Variants in WSCD1 observed in about 807,000 individuals in gnomAD.
The protein encoded by WSCD1 is WSC domain sialate O sulfotransferase 1, also known as sialate:O-sulfotransferase 1.
WSCD1 carries 41 observed loss-of-function variants against 60.4 expected under a neutral mutation model. The ratio of observed to expected loss-of-function variants is 0.68; its 90% CI spans 0.53 to 0.88. The LOEUF (loss-of-function observed/expected upper bound fraction) is 0.88. Among genes scored for constraint, WSCD1 ranks in the 40% least tolerant of loss-of-function variants. The pLI, the probability that WSCD1 is intolerant of heterozygous loss-of-function variation, is 0.00. For synonymous variants in WSCD1, 361 were observed against 332.5 expected, an observed-to-expected ratio of 1.09 and a Z score of -0.93; for missense variants, 784 against 796.2, an observed-to-expected ratio of 0.98 and a Z score of 0.18.
rs1253245778 is a variant in WSCD1 at position 6,083,034 on chromosome 17, G to A, written c.427+1949G>A. 3.3e-5 allele frequency among the ~76,000 whole-genome samples: 5 copies of A among 152,284 alleles called. 1 individual carries two copies. The South Asian group carries it at 6.2e-4, about 19-fold the overall frequency. On this transcript the variant is annotated intron_variant, in intron 2 of 8. Coordinates refer to ENST00000317744, the MANE Select transcript of WSCD1 (RefSeq NM_015253.2). The stretch of plus-strand genomic sequence containing the variant: ...TCAGCAAGGCTCGTGTGTCAGAAGG[G>A]AGGGAGGAATGAGGAGCTGATGCTT...
At chr17:6,070,706 G>C (rs1171433476) in intron 1 of WSCD1, 54 bp downstream of exon 1, 2 of 151,322 alleles carry the variant, frequency 1.3e-5, no homozygotes, top group East Asian at 3.9e-4. Flanking sequence ...CTGCGAGCAG[G>C]GTGTTCCCCT....
rs200210292 is a variant in WSCD1, at chr17:6,120,530, C to T, written c.1597C>T (p.Arg533Trp). The T allele has an allele frequency of 9.3e-6, 15 of 1,613,760 alleles. No homozygotes were observed. Among genetic ancestry groups the T allele is most frequent in the East Asian group, 4.5e-5 (2 of 44,862 alleles). The change falls in exon 9 of 9, where the codon CGG becomes TGG. Residue 533 changes from arginine to tryptophan, a missense_variant. Physicochemically the swap from Arg to Trp is moderately radical, Grantham distance 101. Coordinates refer to ENST00000317744, the MANE Select transcript of WSCD1 (RefSeq NM_015253.2). ...GGAGGGCAGCTTCCGGCGGCGCGGC[C>T]GGCGCTCCCACGACCCTGAGCCCTT... is the stretch of plus-strand genomic sequence containing the variant. Reference protein sequence around the residue: ...NKEGSFRRRGRRSHDPEPFTP... With the variant: ...NKEGSFRRRGWRSHDPEPFTP...
chr17:6,095,155 G>T lies in WSCD1; in HGVS notation c.781G>T (p.Ala261Ser). The part of the protein sequence containing the change: ...CFRLPENITH[A>S]FPSSLIQANV... ...CCGACTGCCAGAGAACATCACACAT[G>T]CCTTCCCCAGCTCCCTGATACAGGC... The change falls in exon 5 of 9, where the codon GCC becomes TCC. Residue 261 changes from alanine to serine, a missense_variant. Transcript: ENST00000317744. 1 of 1,613,828 alleles carries T rather than the reference G, an allele frequency of 6.2e-7. No individual in the cohort carries two copies. Among genetic ancestry groups the T allele is most frequent in the Non-Finnish European group, 8.5e-7 (1 of 1,179,880 alleles).
At chr17:6,100,720 T>C (rs2150556893) in intron 5 of WSCD1, among the ~76,000 whole-genome samples, 1 of 152,288 alleles carries the variant, frequency 6.6e-6, no homozygotes, top group Middle Eastern at 3.4e-3. Context: ...ACCCACTAGA[T>C]GCCAACAGCC....
chr17:6,100,166 G>A (rs1910714790), intron 5 of WSCD1, among the ~76,000 whole-genome samples: 1 of 152,222 alleles, frequency 6.6e-6, no homozygotes, highest in South Asian at 2.1e-4. Flanking sequence ...AAGAGAGGAT[G>A]TGGGGGCATG....
chr17:6,081,324 C>G (rs1379323867), intron 2 of WSCD1, among the ~76,000 whole-genome samples: 1 of 152,068 alleles, frequency 6.6e-6, no homozygotes, highest in African/African-American at 2.4e-5. Flanking sequence ...ACTTAGCGCT[C>G]CGGCTTTGGA....
At chr17:6,106,990 T>C (rs1911122147) in intron 5 of WSCD1, among the ~76,000 whole-genome samples, 1 of 152,174 alleles carries the variant, frequency 6.6e-6, no homozygotes, top group African/African-American at 2.4e-5. Context: ...TGCCACAGAC[T>C]GGGCAGTGTA....
At position 6,075,066 on chromosome 17, in the gene WSCD1, C is replaced by T. The variant is rs977286058; in HGVS notation, c.-289+4414C>T. On this transcript the variant is annotated intron_variant, in intron 1 of 8. Transcript: ENST00000317744. The surrounding 1 kb of genome is among the most constrained non-coding windows in gnomAD (Gnocchi z 4.1). ...ACCCCCTGGCTGCCAGTCACTGAGG[C>T]TGAGGCTTCGAGCTTCTAGGACCCA... 8.5e-5 allele frequency among the ~76,000 whole-genome samples: 13 copies of T among 152,122 alleles called. No homozygotes were observed. The highest frequency in any genetic ancestry group is 3.1e-4 in the African/African-American group (13 of 41,398).
At chr17:6,106,161 G>T (rs1911076126) in intron 5 of WSCD1, among the ~76,000 whole-genome samples, 1 of 152,236 alleles carries the variant, frequency 6.6e-6, no homozygotes, top group African/African-American at 2.4e-5. Flanking sequence ...TTATGTTCTT[G>T]TGGAAAGAGG....
intron 5 of WSCD1, among the ~76,000 whole-genome samples, chr17:6,102,730 A>C (rs577010672): frequency 3.2e-4 from 48 of 152,198 alleles, no homozygotes; most frequent in African/African-American, 1.1e-3. Flanking sequence ...TTCTCATTGA[A>C]TATGTTGTGA....
chr17:6,104,045 C>A (rs1363392810), intron 5 of WSCD1, among the ~76,000 whole-genome samples: 1 of 152,150 alleles, frequency 6.6e-6, no homozygotes, highest in African/African-American at 2.4e-5. Context: ...ATAAGTATGG[C>A]CCTAGCATCT....
At chr17:6,104,053 T>C (rs1022801267) in intron 5 of WSCD1, among the ~76,000 whole-genome samples, 2 of 152,292 alleles carry the variant, frequency 1.3e-5, no homozygotes, top group African/African-American at 4.8e-5. Flanking sequence ...GGCCCTAGCA[T>C]CTGCTTCCGG....
intron 5 of WSCD1, among the ~76,000 whole-genome samples, chr17:6,107,653 G>A (rs748691264): frequency 5.8e-4 from 88 of 152,172 alleles, no homozygotes; most frequent in Admixed American, 4.2e-3. Flanking sequence ...ATGGGCCGCC[G>A]TGTGCCGTGG....
chr17:6,095,312 G>T, intron 5 of WSCD1, 89 bp downstream of exon 5: 1 of 1,461,254 alleles, frequency 6.8e-7, no homozygotes, highest in Non-Finnish European at 9.1e-7. Context: ...GGCTGCGGGT[G>T]TCCCCTCTGG....
At chr17:6,077,937 G>A (rs2150528685) in intron 1 of WSCD1, 1 of 152,304 alleles carries the variant, frequency 6.6e-6, no homozygotes, top group South Asian at 2.1e-4. Context: ...ATGACATAAA[G>A]CTCAGCCCAG....
At chr17:6,076,637 T>C (rs769849651) in intron 1 of WSCD1, among the ~76,000 whole-genome samples, 2 of 152,238 alleles carry the variant, frequency 1.3e-5, no homozygotes, top group African/African-American at 2.4e-5. Flanking sequence ...TAATGGACAA[T>C]GAGCCTGAGG....
intron 6 of WSCD1, 31 bp downstream of exon 6, chr17:6,109,797 A>G (rs1567560171): frequency 6.2e-7 from 1 of 1,600,342 alleles, no homozygotes; most frequent in Non-Finnish European, 8.5e-7. Flanking sequence ...TGGTAGTGGC[A>G]TTTGGTCTGG....
At chr17:6,086,883 C>A (rs1490990414) in intron 2 of WSCD1, among the ~76,000 whole-genome samples, 2 of 152,162 alleles carry the variant, frequency 1.3e-5, no homozygotes, top group Non-Finnish European at 2.9e-5. Context: ...CACTAAAAAG[C>A]CGCTTGGGAG....
At chr17:6,092,656 G>A (rs1329618896) in intron 4 of WSCD1, among the ~76,000 whole-genome samples, 1 of 152,094 alleles carries the variant, frequency 6.6e-6, no homozygotes, top group Non-Finnish European at 1.5e-5. Flanking sequence ...TATTTCTTTG[G>A]TTTCAAACAA....
Sources: gnomAD v4.1 joint callset for allele counts (sites outside exome capture counted in the v4.1 genomes callset) on GRCh38, gnomAD v4.1.1 for gene constraint, Gnocchi (gnomAD v3.1) non-coding constraint, MANE v1.5 for transcripts, NCBI Gene and HGNC (gene_info 2026-07-23, HGNC 2026-07-21) for gene names.